The following MAML3 variants were observed in gnomAD, a reference collection of about 807,000 sequenced individuals.
The protein encoded by MAML3 is mastermind-like protein 3.
MAML3 carries 27 observed loss-of-function variants against 101.9 expected under a neutral mutation model. The observed-to-expected ratio is 0.27, with a 90% CI of 0.20 to 0.37. The LOEUF (loss-of-function observed/expected upper bound fraction) is 0.37, where lower values mean the gene tolerates loss of function less well. Ranked by LOEUF, MAML3 falls within the 10% of genes least tolerant of loss-of-function variation. The pLI is 1.00. For missense variants in MAML3, 1,316 were observed against 1,444.9 expected (o/e 0.91, Z 1.45); for synonymous variants, 501 against 555.9 (o/e 0.90, Z 1.39).
At chr4:139,752,245 T>A (rs1221518349) in intron 2 of MAML3, among the ~76,000 whole-genome samples, 1 of 152,244 alleles carries the variant, frequency 6.6e-6, no homozygotes, top group Admixed American at 6.5e-5. Flanking sequence ...CTTGCAGAAC[T>A]ATGGTGTGCC....
intron 2 of MAML3, among the ~76,000 whole-genome samples, chr4:139,824,906 G>A (rs1180000394): frequency 2.0e-5 from 3 of 151,240 alleles, no homozygotes; most frequent in African/African-American, 4.9e-5. Flanking sequence ...AGTTCTTGCA[G>A]TACCATCAGA....
At chr4:139,788,958 TG>T (rs948838294) in intron 2 of MAML3, among the ~76,000 whole-genome samples, 1 of 152,188 alleles carries the variant, frequency 6.6e-6, no homozygotes, top group Non-Finnish European at 1.5e-5. Context: ...ACCACTGTTG[TG>T]GGGAAGAAGA....
chr4:139,784,710 T>C (rs57462612), intron 2 of MAML3, among the ~76,000 whole-genome samples: 30,565 of 152,236 alleles, frequency 0.2, 3,849 homozygotes, highest in East Asian at 0.61. Context: ...AAGGACCAAT[T>C]AAACTGGAAG....
intron 2 of MAML3, among the ~76,000 whole-genome samples, chr4:139,794,623 CT>C (rs1326433200): frequency 6.6e-6 from 1 of 152,222 alleles, no homozygotes; most frequent in Non-Finnish European, 1.5e-5. Flanking sequence ...CAAATTTGGG[CT>C]TTTACTTGGT....
rs74406345 is a variant in MAML3, at chr4:140,127,240, T to C, written c.468+25620A>G. On this transcript the variant is annotated intron_variant, in intron 1 of 4. Transcript: ENST00000509479. ...CAAAACACTCATGATTCCCTGCTCA[T>C]GCCCTGTGTTTTGTACCTTCATCCT... 3.5e-3 allele frequency among the ~76,000 whole-genome samples: 540 copies of C among 152,316 alleles called. 5 individuals carry two copies. Among genetic ancestry groups the C allele is most frequent in the African/African-American group, 0.013 (529 of 41,570 alleles).
At position 139,979,910 on chromosome 4, in the gene MAML3, T is replaced by C. The variant is rs571141664; in HGVS notation, c.469-88943A>G. 2.0e-5 allele frequency among the ~76,000 whole-genome samples: 3 copies of C among 152,308 alleles called. No homozygotes were observed. The East Asian group carries it at 5.8e-4, about 29-fold the overall frequency. On this transcript the variant is annotated intron_variant, in intron 1 of 4. Coordinates refer to ENST00000509479, the MANE Select transcript of MAML3 (RefSeq NM_018717.5). ...ACAAAATGGACTAAGGCAGTGGTTC[T>C]CTGGAACAACTGCCAATAGTAAGTA...
intron 1 of MAML3, among the ~76,000 whole-genome samples, chr4:140,019,606 T>C (rs572810021): frequency 6.6e-6 from 1 of 152,282 alleles, no homozygotes; most frequent in African/African-American, 2.4e-5. Flanking sequence ...CTCTGAAATA[T>C]ATGTTAGAGC....
intron 1 of MAML3, among the ~76,000 whole-genome samples, chr4:139,962,139 A>G (rs911316592): frequency 2.0e-5 from 3 of 151,572 alleles, no homozygotes; most frequent in African/African-American, 7.3e-5. Flanking sequence ...TTTTTTTTAA[A>G]GTTAGACACT....
intron 1 of MAML3, among the ~76,000 whole-genome samples, chr4:140,122,658 G>C (rs1037364521): frequency 2.7e-5 from 4 of 150,892 alleles, no homozygotes; most frequent in Non-Finnish European, 6.0e-5. Context: ...CGGGCGTAGT[G>C]GCGGGCGCCT....
At chr4:139,798,812 G>A (rs1179405784) in intron 2 of MAML3, among the ~76,000 whole-genome samples, 2 of 152,138 alleles carry the variant, frequency 1.3e-5, no homozygotes. Flanking sequence ...AATACTTTTG[G>A]TATTGTACTT....
intron 1 of MAML3, among the ~76,000 whole-genome samples, chr4:139,943,863 A>ATTTTTTTTTTTTTTTTT (rs1560844242): frequency 3.6e-4 from 27 of 75,580 alleles, no homozygotes; most frequent in African/African-American, 4.9e-4. Flanking sequence ...CCTAAAGACA[A>ATTTTTTTTTTTTTTTTT]CTTTTTTTTT....
intron 1 of MAML3, among the ~76,000 whole-genome samples, chr4:139,989,878 CACACAGAGAG>C (rs1260979781): frequency 3.9e-3 from 191 of 49,068 alleles, no homozygotes; most frequent in African/African-American, 0.018. Context: ...CACACACACA[CACACAGAGAG>C]AGAGAGAGAG....
At chr4:139,803,435 G>T (rs1214516732) in intron 2 of MAML3, among the ~76,000 whole-genome samples, 3 of 152,218 alleles carry the variant, frequency 2.0e-5, no homozygotes, top group Non-Finnish European at 4.4e-5. Context: ...TTATGAAGTT[G>T]TAAGAGTTGC....
intron 1 of MAML3, among the ~76,000 whole-genome samples, chr4:139,999,382 A>G (rs1462763164): frequency 6.6e-6 from 1 of 152,214 alleles, no homozygotes; most frequent in Non-Finnish European, 1.5e-5. Context: ...TGACAACTGA[A>G]CTGCATTAGG....
chr4:140,115,479 A>T (rs1728503104), intron 1 of MAML3, among the ~76,000 whole-genome samples: 1 of 152,228 alleles, frequency 6.6e-6, no homozygotes, highest in Non-Finnish European at 1.5e-5. Flanking sequence ...CATAAGAGTA[A>T]ATATTTTCAT....
intron 1 of MAML3, among the ~76,000 whole-genome samples, chr4:139,982,915 C>G (rs928455924): frequency 6.6e-6 from 1 of 152,182 alleles, no homozygotes; most frequent in Non-Finnish European, 1.5e-5. Context: ...TAGGAAAAAA[C>G]TATCAATCAG....
intron 2 of MAML3, among the ~76,000 whole-genome samples, chr4:139,770,956 C>A (rs1345284436): frequency 2.6e-5 from 4 of 152,154 alleles, no homozygotes; most frequent in African/African-American, 9.7e-5. Flanking sequence ...AAAGGATTAA[C>A]AACTGGATGT....
chr4:139,736,435 G>T (rs545826338), intron 2 of MAML3, among the ~76,000 whole-genome samples: 19 of 152,254 alleles, frequency 1.2e-4, no homozygotes, highest in African/African-American at 2.6e-4. Flanking sequence ...CTAGACAGAG[G>T]CGCCTGGCTG....
intron 1 of MAML3, among the ~76,000 whole-genome samples, chr4:140,028,887 G>C (rs138641513): frequency 1.2e-4 from 19 of 152,264 alleles, no homozygotes; most frequent in Middle Eastern, 3.4e-3. Context: ...TCTCCTGTGA[G>C]AGTCCTATAG....
Sources: allele counts gnomAD v4.1 joint callset (sites outside exome capture counted in the v4.1 genomes callset), GRCh38; gene constraint gnomAD v4.1.1; transcripts MANE v1.5; gene names NCBI Gene and HGNC (gene_info 2026-07-23, HGNC 2026-07-21).